Variants in DPYD observed in about 807,000 individuals in gnomAD.
DPYD encodes the protein dihydropyrimidine dehydrogenase.
DPYD carries 109 observed loss-of-function variants against 116.2 expected under a neutral mutation model. The observed-to-expected ratio is 0.94, with a 90% CI of 0.80 to 1.10. The LOEUF is 1.10. Ranked by LOEUF, DPYD falls within the 50% of genes least tolerant of loss-of-function variation. DPYD has a pLI of 0.00. For missense variants in DPYD, 1,302 were observed against 1,254.5 expected (o/e 1.04, Z -0.57); for synonymous variants, 440 against 432.0 (o/e 1.02, Z -0.23).
At position 97,230,476 on chromosome 1, in the gene DPYD, C is replaced by T. The variant is rs116506953; in HGVS notation, c.2442+4376G>A. 9.3e-3 allele frequency among the ~76,000 whole-genome samples: 1,415 copies of T among 151,912 alleles called. 26 individuals are homozygous for T. The highest frequency in any genetic ancestry group is 0.032 in the African/African-American group (1,333 of 41,396). ...TAGAGGGGAATGACACACACTGGGG[C>T]CTATGAGAGGGTGAAGGATGGGAGG... On this transcript the variant is annotated intron_variant, in intron 19 of 22. Transcript: ENST00000370192.
At chr1:97,261,587 G>T (rs547878419) in intron 18 of DPYD, among the ~76,000 whole-genome samples, 19 of 146,862 alleles carry the variant, frequency 1.3e-4, no homozygotes, top group Admixed American at 4.2e-4. Flanking sequence ...TGTGCCAAAT[G>T]ACTATTTTAT....
chr1:97,910,744 T>C (rs149153594), intron 1 of DPYD, among the ~76,000 whole-genome samples: 39 of 152,194 alleles, frequency 2.6e-4, no homozygotes, highest in African/African-American at 7.7e-4. Context: ...ATAAATATTA[T>C]AAAGGACAGA....
At chr1:97,872,922 C>T (rs79418368) in intron 2 of DPYD, among the ~76,000 whole-genome samples, 14 of 152,006 alleles carry the variant, frequency 9.2e-5, no homozygotes, top group East Asian at 7.8e-4. Context: ...CCCCCATCTT[C>T]GGACTTTCAG....
chr1:97,644,368 T>C (rs1020487564), intron 8 of DPYD, among the ~76,000 whole-genome samples: 45 of 152,288 alleles, frequency 3.0e-4, no homozygotes, highest in African/African-American at 1.1e-3. Flanking sequence ...AACTATATGT[T>C]GCAAATAATT....
At chr1:97,288,443 T>A (rs1387750141) in intron 18 of DPYD, among the ~76,000 whole-genome samples, 12 of 151,468 alleles carry the variant, frequency 7.9e-5, no homozygotes, top group African/African-American at 9.7e-5. Context: ...GAAGTAAAGC[T>A]CTCCTCAGCA....
intron 13 of DPYD, among the ~76,000 whole-genome samples, chr1:97,490,433 T>C (rs1678907874): frequency 6.8e-6 from 1 of 147,626 alleles, no homozygotes; most frequent in African/African-American, 2.5e-5. Flanking sequence ...ACACTAATAA[T>C]TGTATAAGTA....
chr1:97,154,412 T>G (rs927634473), intron 20 of DPYD, among the ~76,000 whole-genome samples: 14 of 152,176 alleles, frequency 9.2e-5, no homozygotes, highest in Non-Finnish European at 1.3e-4. Context: ...AAACATCTTA[T>G]GTTCTCACTG....
intron 5 of DPYD, among the ~76,000 whole-genome samples, chr1:97,709,399 TA>T (rs1341649206): frequency 1.3e-5 from 2 of 151,886 alleles, no homozygotes; most frequent in Admixed American, 6.6e-5. Flanking sequence ...ACATGGTATA[TA>T]TTTTTTTAAT....
intron 11 of DPYD, among the ~76,000 whole-genome samples, chr1:97,551,142 T>G (rs1361205701): frequency 6.6e-6 from 1 of 152,220 alleles, no homozygotes; most frequent in Non-Finnish European, 1.5e-5. Flanking sequence ...GCTATCATAC[T>G]CAGGTTTTTA....
intron 8 of DPYD, among the ~76,000 whole-genome samples, chr1:97,678,287 CT>C (rs1398381074): frequency 2.6e-5 from 4 of 152,156 alleles, no homozygotes; most frequent in Non-Finnish European, 5.9e-5. Context: ...GGATGCAGAG[CT>C]CAGGCAGTAA....
chr1:97,595,769 C>A (rs1654836315), intron 8 of DPYD, among the ~76,000 whole-genome samples: 1 of 151,224 alleles, frequency 6.6e-6, no homozygotes, highest in Non-Finnish European at 1.5e-5. Context: ...ATTAGCTTTT[C>A]AATGGAAACA....
chr1:97,331,459 G>A (rs1558035708), intron 16 of DPYD, among the ~76,000 whole-genome samples: 1 of 152,128 alleles, frequency 6.6e-6, no homozygotes, highest in Non-Finnish European at 1.5e-5. Flanking sequence ...CATCCTGGAT[G>A]ACAGAGCAAG....
At chr1:97,645,184 T>C (rs964245108) in intron 8 of DPYD, among the ~76,000 whole-genome samples, 5 of 152,156 alleles carry the variant, frequency 3.3e-5, no homozygotes, top group African/African-American at 1.2e-4. Context: ...GTGCAGTTAA[T>C]AAGCTTTTAG....
intron 20 of DPYD, among the ~76,000 whole-genome samples, chr1:97,188,837 G>T (rs77993430): frequency 0.11 from 16,129 of 152,184 alleles, 1,214 homozygotes; most frequent in East Asian, 0.39. Flanking sequence ...GGCATATTTT[G>T]CCAAGTCAAG....
chr1:97,345,572 G>A (rs889700872), intron 16 of DPYD, among the ~76,000 whole-genome samples: 9 of 151,852 alleles, frequency 5.9e-5, no homozygotes, highest in Admixed American at 2.6e-4. Flanking sequence ...ACTGGATAAC[G>A]GTGACTGTCG....
chr1:97,725,907 G>A (rs1663231136), intron 4 of DPYD, among the ~76,000 whole-genome samples: 1 of 151,446 alleles, frequency 6.6e-6, no homozygotes, highest in South Asian at 2.1e-4. Flanking sequence ...TGTGGTGATG[G>A]TTGAAACTGC....
At chr1:97,418,743 C>T (rs1674420886) in intron 14 of DPYD, among the ~76,000 whole-genome samples, 1 of 152,100 alleles carries the variant, frequency 6.6e-6, no homozygotes. Context: ...CAAAAATACA[C>T]TGTATTACAG....
intron 1 of DPYD, among the ~76,000 whole-genome samples, chr1:97,900,696 T>C (rs1310091437): frequency 6.6e-6 from 1 of 151,916 alleles, no homozygotes; most frequent in Non-Finnish European, 1.5e-5. Context: ...CATAATTTTT[T>C]TACAATATAG....
At chr1:97,252,421 T>G (rs1302358865) in intron 18 of DPYD, among the ~76,000 whole-genome samples, 1 of 152,236 alleles carries the variant, frequency 6.6e-6, no homozygotes, top group East Asian at 1.9e-4. Flanking sequence ...TGCATATATT[T>G]TTCCACATTC....
Sources: allele counts gnomAD v4.1 joint callset (sites outside exome capture counted in the v4.1 genomes callset), GRCh38; gene constraint gnomAD v4.1.1; transcripts MANE v1.5; gene names NCBI Gene and HGNC (gene_info 2026-07-23, HGNC 2026-07-21).